The following TIGIT variants were observed in gnomAD, a reference collection of about 807,000 sequenced individuals.
The protein encoded by TIGIT is T cell immunoreceptor with Ig and ITIM domains, also known as T-cell immunoreceptor with Ig and ITIM domains.
In TIGIT, 11 loss-of-function variants were observed where a neutral mutation model predicts 19.6. That is an observed-to-expected ratio of 0.56 (90% CI 0.35 to 0.93). The LOEUF (loss-of-function observed/expected upper bound fraction) is 0.93, where lower values mean the gene tolerates loss of function less well. TIGIT is among the 40% of genes least tolerant of loss of function. The pLI, the probability that TIGIT is intolerant of heterozygous loss-of-function variation, is 0.01. For synonymous variants in TIGIT, 130 were observed against 125.5 expected, an observed-to-expected ratio of 1.04 and a Z score of -0.24; for missense variants, 295 against 303.9, an observed-to-expected ratio of 0.97 and a Z score of 0.22.
In TIGIT at chr3:114,310,260, G is replaced by A. The variant is rs1467187596; in HGVS notation, c.*2129G>A. ...TGTCAAAAATGATAATATTTTGGAT[G>A]TATTGGGTGAAATAAAATATTAACA... On this transcript the variant is annotated 3_prime_UTR_variant, in exon 4 of 4. Coordinates refer to ENST00000383671, the MANE Select transcript of TIGIT (RefSeq NM_173799.4). 1 of 152,132 alleles carries A rather than the reference G, an allele frequency of 6.6e-6. No individual in the cohort carries two copies. Among genetic ancestry groups the A allele is most frequent in the Non-Finnish European group, 1.5e-5 (1 of 68,024 alleles). 9.4% of individuals were successfully genotyped at this position (152,132 alleles called of 1,614,324 possible).
chr3:114,300,448 G>A (rs943642021), intron 3 of TIGIT, among the ~76,000 whole-genome samples: 4 of 152,076 alleles, frequency 2.6e-5, no homozygotes, highest in East Asian at 1.9e-4. Context: ...TAGCTTAAGA[G>A]CTTATGTGGC....
In TIGIT at chr3:114,308,967, C is replaced by T. The variant is rs2078554106; in HGVS notation, c.*836C>T. 1 of 152,238 alleles carries T rather than the reference C, an allele frequency of 6.6e-6. No homozygotes were observed. Among genetic ancestry groups the T allele is most frequent in the South Asian group, 2.1e-4 (1 of 4,832 alleles). The allele number at this position is 152,238 out of a possible 1,614,324, so 9.4% of individuals were successfully genotyped here. A position where few individuals can be genotyped will look rare whatever the true frequency, so the allele number is the denominator to read the frequency against. On this transcript the variant is annotated 3_prime_UTR_variant, in exon 4 of 4. Transcript: ENST00000383671. Reference sequence around the variant, plus strand: ...TCAAGTTTCCTTTTGCTGTGACATACTCATCCATTAGACAGCCTGATACAG... The same window carrying T: ...TCAAGTTTCCTTTTGCTGTGACATATTCATCCATTAGACAGCCTGATACAG...
chr3:114,308,083 G>A lies in TIGIT; in HGVS notation c.687G>A (p.Leu229=). ...CAELHDYFNV[L]SYRSLGNCSF... is the part of the protein sequence containing the mutation. ...AGCTGCATGACTACTTCAATGTCCT[G>A]AGTTACAGAAGCCTGGGTAACTGCA... is the stretch of plus-strand genomic sequence containing the variant. Residue 229 remains leucine (L), a synonymous_variant, in exon 4 of 4, where the codon CTG becomes CTA. Transcript: ENST00000383671. The A allele has an allele frequency of 6.2e-7, 1 of 1,614,166 alleles. No homozygotes were observed. Among genetic ancestry groups the A allele is most frequent in the Non-Finnish European group, 8.5e-7 (1 of 1,180,024 alleles).
At chr3:114,307,671 T>C in intron 3 of TIGIT, 1 of 546,798 alleles carries the variant, frequency 1.8e-6, no homozygotes, top group Non-Finnish European at 3.3e-6. Context: ...TAACAAGGTG[T>C]GTGGCACGTG....
chr3:114,305,206 T>C (rs1325332904), intron 3 of TIGIT, among the ~76,000 whole-genome samples: 1 of 152,150 alleles, frequency 6.6e-6, no homozygotes, highest in East Asian at 1.9e-4. Context: ...CCTCAAATGT[T>C]AGAGTCAGTG....
intron 2 of TIGIT, 104 bp from the exon 3 acceptor site, chr3:114,299,493 G>C (rs2078475547): frequency 1.2e-6 from 1 of 802,716 alleles, no homozygotes; most frequent in Non-Finnish European, 2.1e-6. Flanking sequence ...TACACAAAGG[G>C]CTTGGCCAAT....
chr3:114,301,210 A>G lies in TIGIT; in HGVS notation c.498+1507A>G, dbSNP rs117552290. Reference sequence around the variant, plus strand: ...CCACATAAATATTTTGGGAAACACAAGTTTGTAATTTCTACCTTTACCCCA... The same window carrying G: ...CCACATAAATATTTTGGGAAACACAGGTTTGTAATTTCTACCTTTACCCCA... On this transcript the variant is annotated intron_variant, in intron 3 of 3. Coordinates refer to ENST00000383671, the MANE Select transcript of TIGIT (RefSeq NM_173799.4). Among the ~76,000 whole-genome samples the G allele has an allele frequency of 1.6e-3, 245 of 152,256 alleles. 6 individuals are homozygous for G. The East Asian group carries it at 0.02, about 12-fold the overall frequency.
intron 3 of TIGIT, among the ~76,000 whole-genome samples, chr3:114,303,359 G>A (rs1560033364): frequency 6.6e-6 from 1 of 151,788 alleles, no homozygotes; most frequent in Non-Finnish European, 1.5e-5. Flanking sequence ...TCCCACTTCT[G>A]AGTGAGAACA....
chr3:114,303,311 G>A lies in TIGIT; in HGVS notation c.498+3608G>A, dbSNP rs78558851. The stretch of plus-strand genomic sequence containing the variant: ...AGTCCCCAAAGTCCATTAGTCCCTT[G>A]TATCATTCTTAACGCCTTTGCGTCC... On this transcript the variant is annotated intron_variant, in intron 3 of 3. Coordinates refer to ENST00000383671, the MANE Select transcript of TIGIT (RefSeq NM_173799.4). 2.8e-3 allele frequency among the ~76,000 whole-genome samples: 431 copies of A among 151,842 alleles called. 20 individuals are homozygous for A. The East Asian group carries it at 0.074, about 26-fold the overall frequency.
chr3:114,308,227 G>GTGTT lies in TIGIT; in HGVS notation c.*99_*100insTTGT, dbSNP rs1366012058. ...CTCTCCATCAGTGCTGCGTGTGTGT[G>GTGTT]TGTGTGTGTATGTGTGTGTGTGTTC... is the stretch of plus-strand genomic sequence containing the variant. On this transcript the variant is annotated 3_prime_UTR_variant, in exon 4 of 4. Transcript: ENST00000383671. 1 of 891,264 alleles carries GTGTT rather than the reference G, an allele frequency of 1.1e-6. No individual in the cohort carries two copies. Among genetic ancestry groups the GTGTT allele is most frequent in the East Asian group, 2.4e-5 (1 of 41,512 alleles). The allele number at this position is 891,264 out of a possible 1,614,324, so 55.2% of individuals were successfully genotyped here. A position where few individuals can be genotyped will look rare whatever the true frequency, so the allele number is the denominator to read the frequency against.
At chr3:114,302,365 G>A (rs1445472007) in intron 3 of TIGIT, among the ~76,000 whole-genome samples, 1 of 152,210 alleles carries the variant, frequency 6.6e-6, no homozygotes, top group East Asian at 1.9e-4. Flanking sequence ...TCATAGACAT[G>A]AACACTGGAC....
rs1035424346 is a variant in TIGIT at position 114,294,609 on chromosome 3, A to G, written c.61+487A>G. 2.6e-5 allele frequency among the ~76,000 whole-genome samples: 4 copies of G among 152,318 alleles called. No homozygotes were observed. In the East Asian group the frequency reaches 5.8e-4, roughly 22 times the overall value. ...TCTATATTAAAAATCAGAGTCAAAT[A>G]TTTCTGAGGGAGGGGAACACAAATA... On this transcript the variant is annotated intron_variant, in intron 1 of 3. Transcript: ENST00000383671.
chr3:114,305,124 C>A lies in TIGIT; in HGVS notation c.499-2771C>A, dbSNP rs531430194. 4.1e-4 allele frequency among the ~76,000 whole-genome samples: 63 copies of A among 152,272 alleles called. 1 individual carries two copies. The highest frequency in any genetic ancestry group is 1.5e-3 in the African/African-American group (62 of 41,552). ...AATTTAGCAAAAGTCAATTTTGAGT[C>A]CTAATATTAACTATTACCCTATACT... On this transcript the variant is annotated intron_variant, in intron 3 of 3. Coordinates refer to ENST00000383671, the MANE Select transcript of TIGIT (RefSeq NM_173799.4).
chr3:114,301,934 T>A (rs79931595), intron 3 of TIGIT, among the ~76,000 whole-genome samples: 2,813 of 152,290 alleles, frequency 0.018, 43 homozygotes, highest in Middle Eastern at 0.044. Flanking sequence ...TTGAAGACAG[T>A]TTAATAATAG....
intron 3 of TIGIT, among the ~76,000 whole-genome samples, chr3:114,300,855 G>A (rs2078487864): frequency 6.6e-6 from 1 of 152,030 alleles, no homozygotes; most frequent in African/African-American, 2.4e-5. Context: ...CTTCATGAGG[G>A]CAGATCTTCA....
chr3:114,305,096 T>A (rs749447920), intron 3 of TIGIT, among the ~76,000 whole-genome samples: 1 of 152,198 alleles, frequency 6.6e-6, no homozygotes, highest in Non-Finnish European at 1.5e-5. Context: ...AGTCCATCGG[T>A]GCAATTTAGC....
chr3:114,306,293 A>T (rs919112046), intron 3 of TIGIT, among the ~76,000 whole-genome samples: 1 of 152,198 alleles, frequency 6.6e-6, no homozygotes, highest in South Asian at 2.1e-4. Context: ...TTACCTACTC[A>T]CTTCACTCAG....
intron 3 of TIGIT, among the ~76,000 whole-genome samples, chr3:114,302,890 T>C (rs2078501377): frequency 6.6e-6 from 1 of 152,226 alleles, no homozygotes; most frequent in Admixed American, 6.5e-5. Flanking sequence ...AGTACAGGGA[T>C]TGGCAAAATT....
chr3:114,303,262 A>G (rs2078503763), intron 3 of TIGIT, among the ~76,000 whole-genome samples: 1 of 151,886 alleles, frequency 6.6e-6, no homozygotes, highest in African/African-American at 2.4e-5. Flanking sequence ...TTTATCCCTC[A>G]GCCCTCTCCC....
Sources: allele counts gnomAD v4.1 joint callset (sites outside exome capture counted in the v4.1 genomes callset), GRCh38; gene constraint gnomAD v4.1.1; transcripts MANE v1.5; gene names NCBI Gene and HGNC (gene_info 2026-07-23, HGNC 2026-07-21).